Variants in DOCK1 observed in about 807,000 individuals in gnomAD.
DOCK1 encodes the protein dedicator of cytokinesis 1.
In DOCK1, 138 loss-of-function variants were observed where a neutral mutation model predicts 262.7. The observed-to-expected ratio is 0.53, with a 90% CI of 0.46 to 0.61. The LOEUF (loss-of-function observed/expected upper bound fraction) is 0.61, where lower values mean the gene tolerates loss of function less well. Among genes scored for constraint, DOCK1 ranks in the 20% least tolerant of loss-of-function variants. DOCK1 has a pLI of 0.00. For synonymous variants in DOCK1, 866 were observed against 867.4 expected (o/e 1.00, Z 0.03); for missense variants, 1,908 against 2,370.7 (o/e 0.80, Z 4.05).
At position 126,928,227 on chromosome 10, in the gene DOCK1, A is replaced by G. The variant is rs1027377233; in HGVS notation, c.46+22664A>G. On this transcript the variant is annotated intron_variant, in intron 1 of 51. Coordinates refer to ENST00000623213, the MANE Select transcript of DOCK1 (RefSeq NM_001290223.2). Reference sequence around the variant, plus strand: ...CCAGGTCGAATAAGGGCCTGGAGGAACAGCATGAGCTCGTGGGACCCATCT... The same window carrying G: ...CCAGGTCGAATAAGGGCCTGGAGGAGCAGCATGAGCTCGTGGGACCCATCT... Among the ~76,000 whole-genome samples, 4 of 152,216 alleles carry G rather than the reference A, an allele frequency of 2.6e-5. No individual in the cohort carries two copies. The East Asian group carries it at 7.7e-4, about 29-fold the overall frequency.
chr10:127,393,336 G>C (rs763117275), intron 38 of DOCK1, among the ~76,000 whole-genome samples: 1 of 152,152 alleles, frequency 6.6e-6, no homozygotes, highest in Non-Finnish European at 1.5e-5. Flanking sequence ...GATCCAGCCT[G>C]TCTCCTCGTG....
chr10:127,030,794 ATCTCTGTCTCTG>A (rs369044608), intron 16 of DOCK1, among the ~76,000 whole-genome samples: 5 of 149,262 alleles, frequency 3.3e-5, no homozygotes, highest in South Asian at 2.1e-4. Flanking sequence ...ATCTATCTCT[ATCTCTGTCTCTG>A]TCTCTGTCTC....
chr10:127,080,980 G>T (rs1200349052), intron 23 of DOCK1, among the ~76,000 whole-genome samples: 1 of 152,058 alleles, frequency 6.6e-6, no homozygotes, highest in Non-Finnish European at 1.5e-5. Flanking sequence ...GTTAAATGAG[G>T]TTTTGCTTTC....
intron 27 of DOCK1, among the ~76,000 whole-genome samples, chr10:127,239,496 A>G (rs1468084148): frequency 6.6e-6 from 1 of 152,158 alleles, no homozygotes; most frequent in Non-Finnish European, 1.5e-5. Context: ...AATGTTAACA[A>G]TGTTGAGGAC....
chr10:127,029,218 C>T lies in DOCK1; in HGVS notation c.1625-2432C>T, dbSNP rs79662634. ...GGAAACATGTTGAGCATCGCAGGTG[C>T]GATGCCGATGAAAGCCTGGATGTCG... On this transcript the variant is annotated intron_variant, in intron 16 of 51. Transcript: ENST00000623213. 4.5e-3 allele frequency among the ~76,000 whole-genome samples: 678 copies of T among 152,312 alleles called. 1 individual carries two copies. Among genetic ancestry groups the T allele is most frequent in the African/African-American group, 0.014 (600 of 41,568 alleles).
At chr10:127,383,753 G>A (rs997836274) in intron 37 of DOCK1, among the ~76,000 whole-genome samples, 1 of 152,168 alleles carries the variant, frequency 6.6e-6, no homozygotes, top group Non-Finnish European at 1.5e-5. Context: ...CCCTGGCCTG[G>A]CTGAAAACAG....
intron 27 of DOCK1, among the ~76,000 whole-genome samples, chr10:127,214,887 T>A (rs370066596): frequency 6.6e-6 from 1 of 152,210 alleles, no homozygotes; most frequent in Non-Finnish European, 1.5e-5. Flanking sequence ...ATTTATGATA[T>A]TGTCATTTTA....
At chr10:127,093,576 A>T (rs1591997272) in intron 23 of DOCK1, among the ~76,000 whole-genome samples, 1 of 147,232 alleles carries the variant, frequency 6.8e-6, no homozygotes, top group Non-Finnish European at 1.5e-5. Context: ...CTGGTCTTGA[A>T]CTCCTGAGCT....
chr10:127,227,658 G>C (rs928070106), intron 27 of DOCK1, among the ~76,000 whole-genome samples: 1 of 152,212 alleles, frequency 6.6e-6, no homozygotes, highest in Non-Finnish European at 1.5e-5. Flanking sequence ...TTCAAGTTCG[G>C]TTATAAAGGA....
intron 1 of DOCK1, among the ~76,000 whole-genome samples, chr10:126,917,961 T>G (rs558968825): frequency 6.6e-6 from 1 of 152,330 alleles, no homozygotes; most frequent in South Asian, 2.1e-4. Context: ...TGAGTTCTTG[T>G]TAGCCAGGCA....
At chr10:127,043,232 T>C in intron 21 of DOCK1, 68 bp downstream of exon 21, 2 of 1,265,438 alleles carry the variant, frequency 1.6e-6, no homozygotes, top group South Asian at 1.3e-5. Context: ...AGAGTCTTTT[T>C]CATGTACTTT....
chr10:127,148,376 G>T (rs1014068324), intron 27 of DOCK1, among the ~76,000 whole-genome samples: 30 of 152,164 alleles, frequency 2.0e-4, no homozygotes, highest in Admixed American at 2.0e-4. Context: ...CTAAATTCTG[G>T]GAGAGATGCT....
intron 2 of DOCK1, among the ~76,000 whole-genome samples, chr10:126,974,219 T>TTTCCATAGGGTCCCCAGGGC (rs2038337323): frequency 6.6e-6 from 1 of 152,136 alleles, no homozygotes; most frequent in African/African-American, 2.4e-5. Context: ...TGTCGACTCG[T>TTTCCATAGGGTCCCCAGGGC]TTCCATAGGG....
intron 1 of DOCK1, among the ~76,000 whole-genome samples, chr10:126,948,862 A>G (rs2035887156): frequency 6.6e-6 from 1 of 151,938 alleles, no homozygotes; most frequent in Admixed American, 6.6e-5. Context: ...GGTTGGGGAT[A>G]TGTGTGCTGG....
chr10:127,235,787 TG>T (rs2059026367), intron 27 of DOCK1, among the ~76,000 whole-genome samples: 2 of 51,496 alleles, frequency 3.9e-5, no homozygotes, highest in Non-Finnish European at 1.1e-4. Context: ...TTGTGGTGGT[TG>T]TTTTTTTTTT....
Position 126,952,480 on chromosome 10 carries a change from A to G in DOCK1, c.47-18222A>G, listed in dbSNP as rs912433134. On this transcript the variant is annotated intron_variant, in intron 1 of 51. Coordinates refer to ENST00000623213, the MANE Select transcript of DOCK1 (RefSeq NM_001290223.2). Reference sequence around the variant, plus strand: ...TGGTGGTGGTAGTATTGGTGGTAGTATTGTTGGTGATGTATTATTGGTAGT... The same window carrying G: ...TGGTGGTGGTAGTATTGGTGGTAGTGTTGTTGGTGATGTATTATTGGTAGT... Among the ~76,000 whole-genome samples the G allele has an allele frequency of 6.0e-3, 840 of 139,704 alleles. 8 individuals are homozygous for G. The highest frequency in any genetic ancestry group is 0.022 in the African/African-American group (804 of 36,948). The allele number at this position is 139,704 out of a possible 152,430, so 91.7% of individuals were successfully genotyped here.
chr10:126,906,285 G>T (rs1284244656), intron 1 of DOCK1, among the ~76,000 whole-genome samples: 1 of 152,196 alleles, frequency 6.6e-6, no homozygotes, highest in African/African-American at 2.4e-5. Flanking sequence ...TTACATTTCG[G>T]ACCCGAGTGC....
chr10:127,130,065 C>CTTTTTTTTTTTTTTTTTTTTTTTTTTT (rs74721427), intron 27 of DOCK1, among the ~76,000 whole-genome samples: 1 of 117,546 alleles, frequency 8.5e-6, no homozygotes, highest in African/African-American at 3.9e-5. Context: ...TTAGGGTCTT[C>CTTTTTTTTTTTTTTTTTTTTTTTTTTT]TTTTTTTTTT....
chr10:127,198,605 G>A (rs1354711619), intron 27 of DOCK1, among the ~76,000 whole-genome samples: 1 of 152,230 alleles, frequency 6.6e-6, no homozygotes, highest in Non-Finnish European at 1.5e-5. Flanking sequence ...GCCGTAATTG[G>A]CAGGTTAGAA....
Sources: gnomAD v4.1 joint callset for allele counts (sites outside exome capture counted in the v4.1 genomes callset) on GRCh38, gnomAD v4.1.1 for gene constraint, MANE v1.5 for transcripts, NCBI Gene and HGNC (gene_info 2026-07-23, HGNC 2026-07-21) for gene names.